ZNF423: variants seen among roughly 807,000 people sequenced by gnomAD.
ZNF423 encodes zinc finger protein 423.
A neutral mutation model predicts 95.8 loss-of-function variants in ZNF423; 12 were observed. That is an observed-to-expected ratio of 0.13 (90% CI 0.08 to 0.20). ZNF423 has a LOEUF of 0.20. Among genes scored for constraint, ZNF423 ranks in the 10% least tolerant of loss-of-function variants. The probability of loss-of-function intolerance (pLI) is 1.00; values close to 1 mark genes in which losing one functional copy is unlikely to be tolerated. For missense variants in ZNF423, 1,316 were observed against 1,737.1 expected (o/e 0.76, Z 4.31); for synonymous variants, 749 against 711.9 (o/e 1.05, Z -0.83).
intron 1 of ZNF423, among the ~76,000 whole-genome samples, chr16:49,799,514 T>C (rs944546912): frequency 6.6e-6 from 1 of 152,002 alleles, no homozygotes; most frequent in Non-Finnish European, 1.5e-5. Context: ...TCCCTAAATG[T>C]GGGACTATTT....
At chr16:49,707,490 G>A (rs969552290) in intron 3 of ZNF423, among the ~76,000 whole-genome samples, 12 of 151,718 alleles carry the variant, frequency 7.9e-5, no homozygotes, top group Admixed American at 5.3e-4. Context: ...GGTGGCAGGC[G>A]CTTGTAATCC....
At position 49,637,684 on chromosome 16, in the gene ZNF423, C is replaced by T. The variant is rs771331763; in HGVS notation, c.1492G>A (p.Ala498Thr). ...TGCTCCTGCAGGCTATTGATGTCGG[C>T]GAACATCTCGGGGCAGTAGTTGCAG... is the stretch of plus-strand genomic sequence containing the variant. ...FHCNYCPEMF[A>T]DINSLQEHIR... Residue 498 changes from alanine to threonine, a missense_variant, in exon 4 of 8, where the codon GCC (alanine) becomes ACC (threonine). Around this residue, in one of 6 missense-constraint regions of ZNF423, gnomAD observed 399 missense variants for 478.5 expected, o/e 0.83. Transcript: ENST00000563137. This position sits in a 1 kb window ranked among gnomAD's most constrained non-coding sequence, Gnocchi z 5.6. 9 of 1,614,112 alleles carry T rather than the reference C, an allele frequency of 5.6e-6. No homozygotes were observed. The highest frequency in any genetic ancestry group is 2.7e-5 in the African/African-American group (2 of 75,032).
chr16:49,534,541 C>T (rs1198697156), intron 5 of ZNF423, among the ~76,000 whole-genome samples: 1 of 152,200 alleles, frequency 6.6e-6, no homozygotes, highest in African/African-American at 2.4e-5. Context: ...GAGTGAGCTA[C>T]CACGCCCAGC....
At chr16:49,586,795 C>T (rs1418975556) in intron 5 of ZNF423, among the ~76,000 whole-genome samples, 4 of 152,178 alleles carry the variant, frequency 2.6e-5, no homozygotes, top group Non-Finnish European at 5.9e-5. Context: ...CAGGGAGAAC[C>T]GGGAGCTGGG....
At chr16:49,659,063 T>C (rs1035461430) in intron 3 of ZNF423, among the ~76,000 whole-genome samples, 2 of 152,262 alleles carry the variant, frequency 1.3e-5, no homozygotes, top group Non-Finnish European at 2.9e-5. Context: ...TAGTCTTTGA[T>C]GTTTTACTTG....
At chr16:49,680,173 C>T (rs1567286196) in intron 3 of ZNF423, among the ~76,000 whole-genome samples, 1 of 152,182 alleles carries the variant, frequency 6.6e-6, no homozygotes, top group African/African-American at 2.4e-5. Context: ...GCAGTCTCCT[C>T]TCCACTGAGA....
At chr16:49,502,300 C>A (rs866117688) in intron 7 of ZNF423, among the ~76,000 whole-genome samples, 1 of 152,146 alleles carries the variant, frequency 6.6e-6, no homozygotes, top group Non-Finnish European at 1.5e-5. Context: ...TAAGTTCTGA[C>A]AAAGAGGGTA....
At chr16:49,551,138 C>G (rs1969619134) in intron 5 of ZNF423, among the ~76,000 whole-genome samples, 1 of 152,268 alleles carries the variant, frequency 6.6e-6, no homozygotes, top group Non-Finnish European at 1.5e-5. Flanking sequence ...AGCTGGGACA[C>G]TGGGAGGGAT....
intron 5 of ZNF423, among the ~76,000 whole-genome samples, chr16:49,570,728 G>T (rs1970328990): frequency 6.6e-6 from 1 of 152,256 alleles, no homozygotes; most frequent in Non-Finnish European, 1.5e-5. Context: ...TGTTCTGGAA[G>T]ATGTTTCCAG....
chr16:49,744,525 A>G (rs994618900), intron 2 of ZNF423, among the ~76,000 whole-genome samples: 5 of 147,588 alleles, frequency 3.4e-5, no homozygotes, highest in African/African-American at 9.8e-5. Context: ...CTCAGCACAC[A>G]TGTGGCCAGC....
chr16:49,570,037 C>T (rs919088518), intron 5 of ZNF423, among the ~76,000 whole-genome samples: 4 of 152,184 alleles, frequency 2.6e-5, no homozygotes, highest in African/African-American at 7.2e-5. Context: ...CCTATGGAGC[C>T]TGCCTGCTCT....
chr16:49,836,530 A>T (rs2035122296), intron 1 of ZNF423, among the ~76,000 whole-genome samples: 1 of 152,112 alleles, frequency 6.6e-6, no homozygotes, highest in Non-Finnish European at 1.5e-5. Flanking sequence ...GCAGTTACTC[A>T]GGCAGGCACC....
Position 49,637,904 on chromosome 16 carries a change from C to T in ZNF423, c.1272G>A (p.Lys424=). ...GCACGGCCAGGCTGTTAAAGTCCCG[C>T]TTGGAACAATAGGGGCAGCTATAGA... The part of the protein sequence containing the change: ...KVVYSCPYCS[K]RDFNSLAVLE... Residue 424 remains lysine, a synonymous_variant, in exon 4 of 8, where the codon AAG becomes AAA. Transcript: ENST00000563137. This position sits in a 1 kb window ranked among gnomAD's most constrained non-coding sequence, Gnocchi z 5.6. 1 of 1,614,182 alleles carries T rather than the reference C, an allele frequency of 6.2e-7. No homozygotes were observed. Among genetic ancestry groups the T allele is most frequent in the Non-Finnish European group, 8.5e-7 (1 of 1,180,036 alleles).
At chr16:49,696,101 A>G (rs566668565) in intron 3 of ZNF423, among the ~76,000 whole-genome samples, 4 of 152,322 alleles carry the variant, frequency 2.6e-5, no homozygotes, top group Admixed American at 2.0e-4. Flanking sequence ...ACCCATGCCC[A>G]ACTCTCACTG....
At chr16:49,566,971 C>T (rs1468101780) in intron 5 of ZNF423, among the ~76,000 whole-genome samples, 1 of 152,120 alleles carries the variant, frequency 6.6e-6, no homozygotes, top group Non-Finnish European at 1.5e-5. Flanking sequence ...CTGCCAGCAA[C>T]AATAGCACAG....
At chr16:49,677,126 G>A (rs1167980140) in intron 3 of ZNF423, among the ~76,000 whole-genome samples, 2 of 150,618 alleles carry the variant, frequency 1.3e-5, no homozygotes, top group East Asian at 2.0e-4. Flanking sequence ...GCTGAGGCAG[G>A]AGAATCGCTG....
chr16:49,762,623 A>G (rs10521192), intron 2 of ZNF423, among the ~76,000 whole-genome samples: 83,164 of 151,958 alleles, frequency 0.55, 23,816 homozygotes, highest in African/African-American at 0.73. Flanking sequence ...AAGAAGGCCC[A>G]AGACTTACTT....
intron 5 of ZNF423, among the ~76,000 whole-genome samples, chr16:49,586,213 G>T (rs1357768482): frequency 6.6e-6 from 1 of 152,086 alleles, no homozygotes; most frequent in Non-Finnish European, 1.5e-5. Context: ...CGCCTGCGTC[G>T]CTGACAGAGT....
intron 5 of ZNF423, among the ~76,000 whole-genome samples, chr16:49,526,176 A>T (rs1252935368): frequency 1.3e-5 from 2 of 152,160 alleles, no homozygotes; most frequent in Non-Finnish European, 2.9e-5. Flanking sequence ...GGCCACAGGG[A>T]TGCACAAGAA....
Sources: allele counts gnomAD v4.1 joint callset (sites outside exome capture counted in the v4.1 genomes callset), GRCh38; gene constraint gnomAD v4.1.1; regional missense constraint gnomAD v4.1.1; non-coding constraint Gnocchi (gnomAD v3.1); transcripts MANE v1.5; gene names NCBI Gene and HGNC (gene_info 2026-07-23, HGNC 2026-07-21).